ATP8A2: variants seen among roughly 807,000 people sequenced by gnomAD.
The protein encoded by ATP8A2 is ATPase phospholipid transporting 8A2, also known as phospholipid-transporting ATPase IB.
A neutral mutation model predicts 165.6 loss-of-function variants in ATP8A2; 100 were observed. The observed-to-expected ratio is 0.60, with a 90% CI of 0.51 to 0.71. The LOEUF (loss-of-function observed/expected upper bound fraction) is 0.71. ATP8A2 is among the 30% of genes least tolerant of loss of function. The pLI, the probability that ATP8A2 is intolerant of heterozygous loss-of-function variation, is 0.00. For synonymous variants in ATP8A2, 543 were observed against 548.8 expected (o/e 0.99, Z 0.15); for missense variants, 1,227 against 1,479.5 (o/e 0.83, Z 2.80).
chr13:25,829,986 C>T (rs9507584), intron 28 of ATP8A2, among the ~76,000 whole-genome samples: 75,256 of 149,842 alleles, frequency 0.5, 19,952 homozygotes, highest in South Asian at 0.61. Context: ...CAAAGAGAAT[C>T]TCAGACATAT....
chr13:25,717,510 C>T (rs538174711), intron 25 of ATP8A2, among the ~76,000 whole-genome samples: 6 of 151,688 alleles, frequency 4.0e-5, no homozygotes, highest in Non-Finnish European at 7.4e-5. Flanking sequence ...GTCACTTACC[C>T]TAGATCACAA....
Position 25,372,226 on chromosome 13 carries a change from C to A in ATP8A2, c.14C>A (p.Ala5Glu). Residue 5 changes from alanine to glutamate, a missense_variant, in exon 1 of 37, where the codon GCA becomes GAA. Physicochemically the swap from Ala to Glu is moderately radical, Grantham distance 107. Transcript: ENST00000381655. This position sits in a 1 kb window ranked among gnomAD's most constrained non-coding sequence, Gnocchi z 4.8. ...GACACGGGCGAGATGCTGAACGGCG[C>A]AGGCCTGGACAAAGCTCTTAAGATG... MLNG[A>E]GLDKALKMSL... is the part of the protein sequence containing the mutation. 1 of 1,473,044 alleles carries A rather than the reference C, an allele frequency of 6.8e-7. No homozygotes were observed. The highest frequency in any genetic ancestry group is 2.4e-5 in the Admixed American group (1 of 41,282). The allele number at this position is 1,473,044 out of a possible 1,614,324, so 91.2% of individuals were successfully genotyped here.
At chr13:25,861,808 T>C (rs1952361792) in intron 32 of ATP8A2, among the ~76,000 whole-genome samples, 1 of 152,186 alleles carries the variant, frequency 6.6e-6, no homozygotes, top group Non-Finnish European at 1.5e-5. Flanking sequence ...AACAACGCAG[T>C]AGATGCTTAA....
intron 25 of ATP8A2, among the ~76,000 whole-genome samples, chr13:25,764,745 T>A (rs189845646): frequency 9.8e-5 from 15 of 152,330 alleles, no homozygotes; most frequent in Admixed American, 2.6e-4. Flanking sequence ...TGTTTTCAAA[T>A]CCAGATAGTG....
At chr13:25,540,847 AG>A (rs1381786325) in intron 8 of ATP8A2, among the ~76,000 whole-genome samples, 1 of 151,976 alleles carries the variant, frequency 6.6e-6, no homozygotes, top group Non-Finnish European at 1.5e-5. Context: ...TCTAGGATGA[AG>A]AATAGTCTTT....
chr13:25,501,951 A>G (rs143801497), intron 2 of ATP8A2, among the ~76,000 whole-genome samples: 41 of 152,332 alleles, frequency 2.7e-4, no homozygotes, highest in African/African-American at 9.6e-4. Context: ...GGGAGCAACC[A>G]TTGGAAAGAC....
chr13:25,891,116 C>A (rs1343013048), intron 33 of ATP8A2, among the ~76,000 whole-genome samples: 1 of 152,192 alleles, frequency 6.6e-6, no homozygotes, highest in African/African-American at 2.4e-5. Flanking sequence ...AAAATGCAAG[C>A]TACATTGTCC....
In ATP8A2 at chr13:25,973,246, G is replaced by A. The variant is rs115181319; in HGVS notation, c.3377+4567G>A. On this transcript the variant is annotated intron_variant, in intron 35 of 36. Transcript: ENST00000381655. ...CTGGTCTTAAACCTTCTGGCGAGCCGTCGCCTCGTCTCCCTTCGGTTTTGT... is the reference window on the plus strand; with the variant it reads ...CTGGTCTTAAACCTTCTGGCGAGCCATCGCCTCGTCTCCCTTCGGTTTTGT... Among the ~76,000 whole-genome samples the A allele has an allele frequency of 7.2e-3, 1,093 of 152,264 alleles. 14 individuals are homozygous for A. The highest frequency in any genetic ancestry group is 0.025 in the African/African-American group (1,034 of 41,538).
intron 25 of ATP8A2, among the ~76,000 whole-genome samples, chr13:25,762,224 A>G (rs217901): frequency 0.99 from 142,247 of 143,588 alleles, 70,473 homozygotes; most frequent in Non-Finnish European, 1. Flanking sequence ...AGCCAAGATC[A>G]TTCCATTGCA....
chr13:25,881,887 C>T (rs1952989240), intron 33 of ATP8A2, among the ~76,000 whole-genome samples: 1 of 152,120 alleles, frequency 6.6e-6, no homozygotes, highest in Non-Finnish European at 1.5e-5. Flanking sequence ...TTCAAAGAAC[C>T]TAAAAGGCAG....
chr13:25,915,268 TATCA>T (rs1389561294), intron 33 of ATP8A2, among the ~76,000 whole-genome samples: 1 of 152,228 alleles, frequency 6.6e-6, no homozygotes, highest in Non-Finnish European at 1.5e-5. Context: ...ACGGGTTGTG[TATCA>T]GTCAGGGTCT....
At chr13:25,697,464 A>G (rs2042858092) in intron 24 of ATP8A2, among the ~76,000 whole-genome samples, 1 of 152,144 alleles carries the variant, frequency 6.6e-6, no homozygotes, top group African/African-American at 2.4e-5. Context: ...TATTTTTAGT[A>G]CAGATGGGTT....
At chr13:25,626,159 A>G (rs2041094543) in intron 24 of ATP8A2, among the ~76,000 whole-genome samples, 1 of 152,208 alleles carries the variant, frequency 6.6e-6, no homozygotes, top group African/African-American at 2.4e-5. Flanking sequence ...AGCTGGGAAT[A>G]CACGATTAGA....
chr13:25,693,737 T>G (rs1296079369), intron 24 of ATP8A2, among the ~76,000 whole-genome samples: 1 of 152,208 alleles, frequency 6.6e-6, no homozygotes, highest in Non-Finnish European at 1.5e-5. Flanking sequence ...TCACCCAGGT[T>G]GGAGTGCAGT....
Position 25,642,875 on chromosome 13 carries a change from A to G in ATP8A2, c.2211+53176A>G, listed in dbSNP as rs563393342. ...TGGCACATGCACACCGTGGAATACT[A>G]TGCAGCCATAAAAAAGGGTGAGTTC... is the stretch of plus-strand genomic sequence containing the variant. On this transcript the variant is annotated intron_variant, in intron 24 of 36. Coordinates refer to ENST00000381655, the MANE Select transcript of ATP8A2 (RefSeq NM_016529.6). 4.6e-5 allele frequency among the ~76,000 whole-genome samples: 7 copies of G among 152,330 alleles called. No homozygotes were observed. In the East Asian group the frequency reaches 1.2e-3, roughly 25 times the overall value.
intron 24 of ATP8A2, among the ~76,000 whole-genome samples, chr13:25,626,138 C>G (rs2041094116): frequency 6.6e-6 from 1 of 152,166 alleles, no homozygotes; most frequent in South Asian, 2.1e-4. Flanking sequence ...GTGCTAACCA[C>G]AATTTTAGGC....
At chr13:25,488,443 C>T (rs1426457299) in intron 2 of ATP8A2, among the ~76,000 whole-genome samples, 1 of 152,128 alleles carries the variant, frequency 6.6e-6, no homozygotes, top group Non-Finnish European at 1.5e-5. Flanking sequence ...ACAACTTTAC[C>T]ATTACAAGGA....
At chr13:25,906,441 A>C (rs1285663269) in intron 33 of ATP8A2, among the ~76,000 whole-genome samples, 1 of 151,916 alleles carries the variant, frequency 6.6e-6, no homozygotes, top group East Asian at 1.9e-4. Flanking sequence ...CCCAGTCTTC[A>C]AGGGTTTCCA....
chr13:25,791,628 C>T (rs2045181633), intron 27 of ATP8A2, among the ~76,000 whole-genome samples: 1 of 151,702 alleles, frequency 6.6e-6, no homozygotes, highest in Non-Finnish European at 1.5e-5. Flanking sequence ...GCTGGAAGGA[C>T]TCCATGCGAA....
Sources: gnomAD v4.1 joint callset for allele counts (sites outside exome capture counted in the v4.1 genomes callset) on GRCh38, gnomAD v4.1.1 for gene constraint, Gnocchi (gnomAD v3.1) non-coding constraint, MANE v1.5 for transcripts, NCBI Gene and HGNC (gene_info 2026-07-23, HGNC 2026-07-21) for gene names.